The following NEBL variants were observed in gnomAD, a reference collection of about 807,000 sequenced individuals.
The protein encoded by NEBL is LIM and SH3 protein 2.
NEBL carries 122 observed loss-of-function variants against 140.2 expected under a neutral mutation model. The observed-to-expected ratio is 0.87, with a 90% CI of 0.75 to 1.01. The LOEUF is 1.01. Ranked by LOEUF, NEBL falls within the 50% of genes least tolerant of loss-of-function variation. The pLI is 0.00. For synonymous variants in NEBL, 436 were observed against 398.9 expected (o/e 1.09, Z -1.11); for missense variants, 1,365 against 1,231.3 (o/e 1.11, Z -1.62).
intron 2 of NEBL, among the ~76,000 whole-genome samples, chr10:21,088,525 A>G (rs1298233115): frequency 6.6e-6 from 1 of 152,138 alleles, no homozygotes; most frequent in African/African-American, 2.4e-5. Flanking sequence ...AGTGACACAC[A>G]TCACTCTGAC....
chr10:20,860,407 ACT>A lies in NEBL; in HGVS notation c.685-583_685-582del, dbSNP rs1234687269. Among the ~76,000 whole-genome samples the A allele has an allele frequency of 2.2e-4, 33 of 151,658 alleles. 3 individuals carry two copies. The highest frequency in any genetic ancestry group is 2.2e-3 in the Admixed American group (33 of 15,208). ...ATTCAGCAGGAAAACCATCTCCAAT[ACT>A]CTCTCTAAATTGTTTGTCTCCTTTT... On this transcript the variant is annotated intron_variant, in intron 7 of 27. Transcript: ENST00000377122.
chr10:21,222,385 T>A (rs1842082706), intron 3 of NEBL, among the ~76,000 whole-genome samples: 1 of 152,238 alleles, frequency 6.6e-6, no homozygotes, highest in African/African-American at 2.4e-5. Flanking sequence ...GTATTTTGCT[T>A]TGCTTTTTTC....
At chr10:20,863,220 G>A (rs1270274048) in intron 7 of NEBL, among the ~76,000 whole-genome samples, 3 of 152,076 alleles carry the variant, frequency 2.0e-5, no homozygotes, top group African/African-American at 7.2e-5. Flanking sequence ...CCTCATAACT[G>A]CACCTGGGTA....
rs529584606 is a variant in NEBL at position 20,791,549 on chromosome 10, C to T, written c.2762-4241G>A. 3.9e-5 allele frequency among the ~76,000 whole-genome samples: 6 copies of T among 152,026 alleles called. No homozygotes were observed. In the East Asian group the frequency reaches 1.2e-3, roughly 30 times the overall value. ...CTCCCAAGTAGCTGGACATACGCCA[C>T]CATGCCCAGCTGATTTTTTTTTTTC... On this transcript the variant is annotated intron_variant, in intron 26 of 27. Transcript: ENST00000377122.
At chr10:21,177,710 A>G (rs1841325791), upstream of NEBL, among the ~76,000 whole-genome samples, 1 of 151,940 alleles carries the variant, frequency 6.6e-6, no homozygotes, top group African/African-American at 2.4e-5. Context: ...TTGTATTTTT[A>G]GTAGAGATGG....
Position 21,254,882 on chromosome 10 carries a change from C to A in NEBL, n.183-3054G>T, listed in dbSNP as rs546691691. On this transcript the variant is annotated intron_variant and non_coding_transcript_variant, in intron 1 of 8. Coordinates refer to the NEBL transcript ENST00000675702. ...TTCCTGGAGACCTAAATGGACACAC[C>A]AGGGCCGCTGGTCTAGACCAGGCAA... Among the ~76,000 whole-genome samples, 4 of 152,194 alleles carry A rather than the reference C, an allele frequency of 2.6e-5. No homozygotes were observed. In the East Asian group the frequency reaches 5.8e-4, roughly 22 times the overall value.
In NEBL at chr10:20,880,796, T is replaced by C; in HGVS notation, c.478A>G (p.Asn160Asp). The C allele has an allele frequency of 6.2e-7, 1 of 1,605,532 alleles. No homozygotes were observed. The highest frequency in any genetic ancestry group is 8.5e-7 in the Non-Finnish European group (1 of 1,172,206). Residue 160 changes from asparagine (N) to aspartate (D), a missense_variant and splice_region_variant, in exon 5 of 28, where the codon AAT becomes GAT. Transcript: ENST00000377122. ...HAMEVNKHQSNISYRKDVQDT... is the reference protein window; with the variant it reads ...HAMEVNKHQSDISYRKDVQDT... ...TCATGAGAAATGCGCTTCCTTACAT[T>C]ACTCTGGTGTTTATTGACCTCCATG...
At chr10:20,857,100 G>C (rs1843154537) in intron 9 of NEBL, among the ~76,000 whole-genome samples, 1 of 152,064 alleles carries the variant, frequency 6.6e-6, no homozygotes, top group Non-Finnish European at 1.5e-5. Context: ...TGGGATTACA[G>C]GCATGAAACA....
intron 19 of NEBL, among the ~76,000 whole-genome samples, chr10:20,820,900 G>T (rs1839241595): frequency 6.6e-6 from 1 of 152,100 alleles, no homozygotes; most frequent in South Asian, 2.1e-4. Context: ...TCTTAGTAGT[G>T]AACATGAGAG....
intron 3 of NEBL, among the ~76,000 whole-genome samples, chr10:21,244,040 G>A (rs1012134127): frequency 6.6e-6 from 1 of 152,054 alleles, no homozygotes. Context: ...TTATCAAGAT[G>A]TGATTTATTT....
At position 20,870,871 on chromosome 10, in the gene NEBL, A is replaced by G. The variant is rs193043740; in HGVS notation, c.481-1030T>C. ...AAATGTACTTTAGATCACATTCGTCATTTAGATTAACTTGACTGACAATTG... is the reference window on the plus strand; with the variant it reads ...AAATGTACTTTAGATCACATTCGTCGTTTAGATTAACTTGACTGACAATTG... On this transcript the variant is annotated intron_variant, in intron 5 of 27. Transcript: ENST00000377122. Among the ~76,000 whole-genome samples the G allele has an allele frequency of 2.5e-3, 375 of 152,346 alleles. 2 individuals are homozygous for G. Among genetic ancestry groups the G allele is most frequent in the African/African-American group, 8.8e-3 (364 of 41,576 alleles).
chr10:21,099,685 T>C (rs1837382448), intron 2 of NEBL, among the ~76,000 whole-genome samples: 1 of 152,208 alleles, frequency 6.6e-6, no homozygotes, highest in Non-Finnish European at 1.5e-5. Flanking sequence ...CAGCACATGT[T>C]CTTCCATTTT....
At chr10:21,078,817 G>C (rs962049229) in intron 2 of NEBL, among the ~76,000 whole-genome samples, 2 of 152,204 alleles carry the variant, frequency 1.3e-5, no homozygotes, top group East Asian at 1.9e-4. Context: ...CAAAGCACTA[G>C]AAGTTGCAGT....
At chr10:21,138,880 AT>A (rs1437389695) in intron 2 of NEBL, among the ~76,000 whole-genome samples, 3 of 152,108 alleles carry the variant, frequency 2.0e-5, no homozygotes, top group African/African-American at 7.2e-5. Flanking sequence ...ACAGAGAGCG[AT>A]TACTATCATT....
At chr10:21,164,217 G>A (rs1400555094) in intron 2 of NEBL, among the ~76,000 whole-genome samples, 22 of 152,204 alleles carry the variant, frequency 1.4e-4, no homozygotes, top group Admixed American at 1.4e-3. Flanking sequence ...AAGGCTAAAA[G>A]CCAAGGTCTT....
rs1447527634 is a variant in NEBL, at chr10:21,173,857, G to A, written c.-24C>T. 3 of 1,607,496 alleles carry A rather than the reference G, an allele frequency of 1.9e-6. No homozygotes were observed. Among genetic ancestry groups the A allele is most frequent in the Admixed American group, 3.3e-5 (2 of 59,872 alleles). On this transcript the variant is annotated 5_prime_UTR_variant, in exon 1 of 7. Transcript: ENST00000417816. The surrounding 1 kb of genome is among the most constrained non-coding windows in gnomAD (Gnocchi z 5.7). ...ATGATCGCGGTTCCCGGGGGCGGCG[G>A]CGGCGGCGGCTGCTGGCTCCCAGGA... is the stretch of plus-strand genomic sequence containing the variant.
chr10:20,846,850 A>G (rs1188515211), intron 11 of NEBL, among the ~76,000 whole-genome samples: 2 of 146,374 alleles, frequency 1.4e-5, no homozygotes, highest in Non-Finnish European at 3.0e-5. Flanking sequence ...ATATAGCTAG[A>G]AAAAAAAAAA....
At chr10:20,808,474 A>G in intron 26 of NEBL, 36 bp downstream of exon 26, 1 of 1,608,844 alleles carries the variant, frequency 6.2e-7, no homozygotes, top group Non-Finnish European at 8.5e-7. Context: ...TTAAAAAATG[A>G]ATCGATTTTC....
At chr10:21,227,192 T>A (rs187694174) in intron 3 of NEBL, among the ~76,000 whole-genome samples, 1 of 152,322 alleles carries the variant, frequency 6.6e-6, no homozygotes, top group East Asian at 1.9e-4. Flanking sequence ...GGACAGTTTG[T>A]TGATCTCGTT....
Sources: gnomAD v4.1 joint callset for allele counts (sites outside exome capture counted in the v4.1 genomes callset) on GRCh38, gnomAD v4.1.1 for gene constraint, Gnocchi (gnomAD v3.1) non-coding constraint, MANE v1.5 for transcripts, NCBI Gene and HGNC (gene_info 2026-07-23, HGNC 2026-07-21) for gene names.